RHOBTB3: variants seen among roughly 807,000 people sequenced by gnomAD.
RHOBTB3 encodes the protein rho-related BTB domain-containing protein 3.
Under a neutral mutation model 67.2 loss-of-function variants are expected in RHOBTB3, and 47 were observed. The ratio of observed to expected loss-of-function variants is 0.70; its 90% CI spans 0.55 to 0.89. The LOEUF (loss-of-function observed/expected upper bound fraction) is 0.89, where lower values mean the gene tolerates loss of function less well. Ranked by LOEUF, RHOBTB3 falls within the 40% of genes least tolerant of loss-of-function variation. The pLI, the probability that RHOBTB3 is intolerant of heterozygous loss-of-function variation, is 0.00. For missense variants in RHOBTB3, 631 were observed against 750.0 expected (o/e 0.84, Z 1.85); for synonymous variants, 273 against 274.2 (o/e 1.00, Z 0.04).
rs566555372 is a variant in RHOBTB3 at position 95,763,360 on chromosome 5, T to G, written c.1049-148T>G. 6.8e-6 allele frequency: 4 copies of G among 584,392 alleles called. No homozygotes were observed. In the African/African-American group the frequency reaches 7.5e-5, roughly 11 times the overall value. The allele number at this position is 584,392 out of a possible 1,614,324, so 36.2% of individuals were successfully genotyped here. A position where few individuals can be genotyped will look rare whatever the true frequency, so the allele number is the denominator to read the frequency against. ...ATCGTTTTGAAATGTGAGTACTGTT[T>G]AAATGTTTTAGTATAGTTATAAGGA... On this transcript the variant is annotated intron_variant, in intron 6 of 11. Transcript: ENST00000379982.
chr5:95,723,523 C>T (rs944740563), intron 1 of RHOBTB3, among the ~76,000 whole-genome samples: 8 of 152,170 alleles, frequency 5.3e-5, no homozygotes, highest in South Asian at 4.1e-4. Flanking sequence ...TCATGAAGTA[C>T]GTGCAAACTC....
chr5:95,750,682 GTCC>G (rs1429029354), intron 4 of RHOBTB3, among the ~76,000 whole-genome samples: 1 of 152,202 alleles, frequency 6.6e-6, no homozygotes, highest in African/African-American at 2.4e-5. Context: ...TCCTGGGACA[GTCC>G]TCCTGATGGT....
At chr5:95,790,522 G>T (rs1199304880) in intron 11 of RHOBTB3, among the ~76,000 whole-genome samples, 1 of 152,162 alleles carries the variant, frequency 6.6e-6, no homozygotes, top group Non-Finnish European at 1.5e-5. Context: ...TCATTATATG[G>T]TATTACCCAA....
At chr5:95,770,575 G>T in intron 8 of RHOBTB3, 1 of 433,864 alleles carries the variant, frequency 2.3e-6, no homozygotes, top group Non-Finnish European at 4.6e-6. Context: ...AACGAAGGAT[G>T]TGAGAACTGC....
rs1291261472 is a variant in RHOBTB3, at chr5:95,795,830, G to C, written c.*2656G>C. On this transcript the variant is annotated 3_prime_UTR_variant, in exon 12 of 12. Transcript: ENST00000379982. ...TTTGAGAGTTGTTTTTTAACTGAAAGATTATTTCTAGATGGGTAGTGCTTT... is the reference window on the plus strand; with the variant it reads ...TTTGAGAGTTGTTTTTTAACTGAAACATTATTTCTAGATGGGTAGTGCTTT... 6.6e-6 allele frequency: 1 copy of C among 152,126 alleles called. No homozygotes were observed. The highest frequency in any genetic ancestry group is 6.5e-5 in the Admixed American group (1 of 15,278). The allele number at this position is 152,126 out of a possible 1,614,324, so 9.4% of individuals were successfully genotyped here.
At position 95,731,645 on chromosome 5, in the gene RHOBTB3, T is replaced by A. The variant is rs865885662; in HGVS notation, c.-38T>A. On this transcript the variant is annotated 5_prime_UTR_variant, in exon 1 of 12. Transcript: ENST00000379982. ...CCCCGCGAAGCCGTGAGCCGCTGCT[T>A]TTCTCCGAGTCGCCGCCCTGCCCTT... 1 of 1,612,530 alleles carries A rather than the reference T, an allele frequency of 6.2e-7. No individual in the cohort carries two copies. The highest frequency in any genetic ancestry group is 1.7e-4 in the Middle Eastern group (1 of 6,058).
intron 6 of RHOBTB3, among the ~76,000 whole-genome samples, chr5:95,759,917 G>A (rs1745349315): frequency 2.0e-5 from 3 of 151,740 alleles, no homozygotes; most frequent in Non-Finnish European, 4.4e-5. Context: ...GGGCTAGAGA[G>A]TTATAATAAG....
chr5:95,731,565 C>A lies in RHOBTB3; in HGVS notation c.-118C>A. On this transcript the variant is annotated 5_prime_UTR_variant, in exon 1 of 12. Coordinates refer to ENST00000379982, the MANE Select transcript of RHOBTB3 (RefSeq NM_014899.4). The stretch of plus-strand genomic sequence containing the variant: ...TCGGCCCCGCCGCGGTGGAGGCGCG[C>A]GAGGGGGACGCGGCCGGGGATGAGC... The A allele has an allele frequency of 6.7e-7, 1 of 1,493,242 alleles. No individual in the cohort carries two copies. The highest frequency in any genetic ancestry group is 8.9e-7 in the Non-Finnish European group (1 of 1,121,504). 92.5% of individuals were successfully genotyped at this position (1,493,242 alleles called of 1,614,324 possible). A position where few individuals can be genotyped will look rare whatever the true frequency, so the allele number is the denominator to read the frequency against.
intron 3 of RHOBTB3, among the ~76,000 whole-genome samples, chr5:95,746,934 A>T (rs554992150): frequency 4.8e-4 from 73 of 152,316 alleles, no homozygotes; most frequent in South Asian, 3.5e-3. Flanking sequence ...CGTATACCCG[A>T]TATTTACATA....
intron 6 of RHOBTB3, among the ~76,000 whole-genome samples, chr5:95,760,665 T>C (rs1226249186): frequency 1.3e-5 from 2 of 152,198 alleles, no homozygotes; most frequent in Non-Finnish European, 2.9e-5. Context: ...AGAAGTTAAC[T>C]AAAGAAAATC....
In RHOBTB3 at chr5:95,763,584, C is replaced by A. The variant is rs764374132; in HGVS notation, c.1125C>A (p.Ile375=). 1 of 1,610,216 alleles carries A rather than the reference C, an allele frequency of 6.2e-7. No individual in the cohort carries two copies. The highest frequency in any genetic ancestry group is 2.2e-5 in the East Asian group (1 of 44,706). ...ATTCTGGGGATGTTTCAAATGTAAT[C>A]GAGAAAGTTAAATGCATTTTAAAAA... is the stretch of plus-strand genomic sequence containing the variant. The part of the protein sequence containing the change: ...LKDSGDVSNV[I]EKVKCILKTP... The change falls in exon 7 of 12, where the codon ATC becomes ATA. Residue 375 remains isoleucine (I), a synonymous_variant. Transcript: ENST00000379982.
At position 95,780,375 on chromosome 5, in the gene RHOBTB3, A is replaced by G; in HGVS notation, c.1406A>G (p.Glu469Gly). ...ATTCCCGTTTATGGTGTTTCCAAAG[A>G]GACTTTCTTGTCATTTTTAGAATAC... ...VLIPVYGVSK[E>G]TFLSFLEYLY... The change falls in exon 9 of 12, where the codon GAG becomes GGG. Residue 469 changes from glutamate to glycine, a missense_variant. Physicochemically the swap from Glu to Gly is moderately conservative, Grantham distance 98. Transcript: ENST00000379982. 3.1e-6 allele frequency: 5 copies of G among 1,614,138 alleles called. No homozygotes were observed. Among genetic ancestry groups the G allele is most frequent in the Non-Finnish European group, 4.2e-6 (5 of 1,179,960 alleles).
intron 11 of RHOBTB3, among the ~76,000 whole-genome samples, chr5:95,792,706 T>G (rs1349386321): frequency 6.7e-6 from 1 of 148,646 alleles, no homozygotes; most frequent in African/African-American, 2.5e-5. Flanking sequence ...GCAGGAGAAT[T>G]GCTTGAACTG....
At chr5:95,770,490 C>A in intron 8 of RHOBTB3, 1 of 329,870 alleles carries the variant, frequency 3.0e-6, no homozygotes, top group Non-Finnish European at 6.2e-6. Context: ...AACAATTGTG[C>A]AGCGTTCCTC....
intron 9 of RHOBTB3, 89 bp from the exon 10 acceptor site, chr5:95,783,708 A>T: frequency 1.8e-6 from 2 of 1,127,694 alleles, no homozygotes; most frequent in South Asian, 3.5e-5. Flanking sequence ...ATGTTTTTTT[A>T]ATTGTTGTTT....
intron 6 of RHOBTB3, among the ~76,000 whole-genome samples, chr5:95,758,774 A>C (rs1284793898): frequency 6.6e-6 from 1 of 152,204 alleles, no homozygotes; most frequent in Non-Finnish European, 1.5e-5. Flanking sequence ...ATTCTGATTC[A>C]GTTACCTGGA....
At chr5:95,758,840 G>T (rs1183875874) in intron 6 of RHOBTB3, among the ~76,000 whole-genome samples, 1 of 152,186 alleles carries the variant, frequency 6.6e-6, no homozygotes, top group Admixed American at 6.5e-5. Flanking sequence ...TGGATCTCTG[G>T]ACTGCCAGAA....
intron 11 of RHOBTB3, among the ~76,000 whole-genome samples, chr5:95,792,241 T>C (rs993318054): frequency 7.9e-5 from 12 of 151,822 alleles, no homozygotes; most frequent in African/African-American, 2.2e-4. Context: ...AAAAAACTTA[T>C]CCGGGCGTGG....
At chr5:95,742,394 G>A (rs1755625064) in intron 3 of RHOBTB3, among the ~76,000 whole-genome samples, 1 of 152,136 alleles carries the variant, frequency 6.6e-6, no homozygotes, top group Non-Finnish European at 1.5e-5. Flanking sequence ...CCTGCCTTAT[G>A]TATCAGTCAC....
Sources: gnomAD v4.1 joint callset for allele counts (sites outside exome capture counted in the v4.1 genomes callset) on GRCh38, gnomAD v4.1.1 for gene constraint, MANE v1.5 for transcripts, NCBI Gene and HGNC (gene_info 2026-07-23, HGNC 2026-07-21) for gene names.